The following KCNC2 variants were observed in gnomAD, a reference collection of about 807,000 sequenced individuals.
KCNC2 encodes voltage-gated potassium channel KCNC2.
A neutral mutation model predicts 44.5 loss-of-function variants in KCNC2; 21 were observed. The observed-to-expected ratio is 0.47, with a 90% CI of 0.33 to 0.68. The LOEUF (loss-of-function observed/expected upper bound fraction) is 0.68. Ranked by LOEUF, KCNC2 falls within the 30% of genes least tolerant of loss-of-function variation. The probability of loss-of-function intolerance (pLI) is 0.01; values close to 1 mark genes in which losing one functional copy is unlikely to be tolerated. For missense variants in KCNC2, 589 were observed against 826.2 expected, an observed-to-expected ratio of 0.71 and a Z score of 3.52; for synonymous variants, 391 against 339.1, an observed-to-expected ratio of 1.15 and a Z score of -1.68.
intron 2 of KCNC2, among the ~76,000 whole-genome samples, chr12:75,080,817 G>C (rs968998110): frequency 6.6e-6 from 1 of 151,870 alleles, no homozygotes; most frequent in African/African-American, 2.4e-5. Context: ...TGCCGTGATG[G>C]GATATGCCTA....
chr12:75,065,229 A>T (rs1258074373), intron 2 of KCNC2, among the ~76,000 whole-genome samples: 1 of 152,098 alleles, frequency 6.6e-6, no homozygotes, highest in African/African-American at 2.4e-5. Context: ...CACAAGACAG[A>T]ATCACTGGGA....
At chr12:75,048,858 G>A (rs1274036774) in intron 3 of KCNC2, among the ~76,000 whole-genome samples, 1 of 152,098 alleles carries the variant, frequency 6.6e-6, no homozygotes, top group African/African-American at 2.4e-5. Flanking sequence ...ATATTTTTGA[G>A]CATGCAGTGG....
In KCNC2 at chr12:75,041,359, A is replaced by G. The variant is rs956462373; in HGVS notation, c.*1746T>C. 3 of 1,447,092 alleles carry G rather than the reference A, an allele frequency of 2.1e-6. No individual in the cohort carries two copies. The highest frequency in any genetic ancestry group is 2.8e-5 in the African/African-American group (2 of 70,566). The allele number at this position is 1,447,092 out of a possible 1,614,324, so 89.6% of individuals were successfully genotyped here. ...GTCTGGATAAATACATTGCTGTACAACATCTCCAACATGCAGGTCATGCTC... is the reference window on the plus strand; with the variant it reads ...GTCTGGATAAATACATTGCTGTACAGCATCTCCAACATGCAGGTCATGCTC... On this transcript the variant is annotated 3_prime_UTR_variant, in exon 5 of 5. Transcript: ENST00000549446.
chr12:75,208,066 C>T, intron 1 of KCNC2, 64 bp from the exon 2 acceptor site: 1 of 1,576,644 alleles, frequency 6.3e-7, no homozygotes, highest in Non-Finnish European at 8.6e-7. Context: ...ACCATGACCC[C>T]CACCACCAAC....
chr12:75,159,039 G>A, intron 2 of KCNC2, among the ~76,000 whole-genome samples: 1 of 147,662 alleles, frequency 6.8e-6, no homozygotes, highest in East Asian at 2.1e-4. Flanking sequence ...AACACCGCAT[G>A]TTCTCTCTCC....
intron 2 of KCNC2, among the ~76,000 whole-genome samples, chr12:75,174,235 A>C (rs1453088185): frequency 6.6e-6 from 1 of 151,670 alleles, no homozygotes; most frequent in African/African-American, 2.4e-5. Flanking sequence ...ATTGTAAAAT[A>C]TTTAAGTTTG....
chr12:75,201,242 G>A (rs1477744262), intron 2 of KCNC2, among the ~76,000 whole-genome samples: 1 of 43,862 alleles, frequency 2.3e-5, no homozygotes, highest in Non-Finnish European at 4.6e-5. Context: ...AAAAAGGGCA[G>A]AAAGTTACAA....
At chr12:75,171,599 G>C (rs547511859) in intron 2 of KCNC2, among the ~76,000 whole-genome samples, 39 of 151,968 alleles carry the variant, frequency 2.6e-4, no homozygotes, top group African/African-American at 5.3e-4. Flanking sequence ...TGAAGGTAGT[G>C]AGTAGAATGG....
rs903498653 is a variant in KCNC2 at position 75,042,135 on chromosome 12, T to TA, written c.*969dup. ...AATAAATAAAAATAAAATAAGGGGG[T>TA]AAAAAAAAGACACAAGAGCTTTGGG... is the stretch of plus-strand genomic sequence containing the variant. On this transcript the variant is annotated 3_prime_UTR_variant, in exon 5 of 5. Transcript: ENST00000549446. 41 of 1,247,250 alleles carry TA rather than the reference T, an allele frequency of 3.3e-5. No individual in the cohort carries two copies. Among genetic ancestry groups the TA allele is most frequent in the Admixed American group, 2.1e-4 (5 of 24,356 alleles). 77.3% of individuals were successfully genotyped at this position (1,247,250 alleles called of 1,614,324 possible).
intron 2 of KCNC2, among the ~76,000 whole-genome samples, chr12:75,150,770 TAATA>T (rs1366879448): frequency 6.6e-6 from 1 of 151,930 alleles, no homozygotes; most frequent in African/African-American, 2.4e-5. Context: ...TATTTATTTT[TAATA>T]AATAATGCTC....
rs1167940525 is a variant in KCNC2, at chr12:75,077,754, G to A, written c.688-26437C>T. On this transcript the variant is annotated intron_variant, in intron 2 of 4. Coordinates refer to ENST00000549446, the MANE Select transcript of KCNC2 (RefSeq NM_139137.4). The stretch of plus-strand genomic sequence containing the variant: ...GTTAGAACACCTAAGTTACGATAGC[G>A]TAAAACCTCCAATGTATGTTATACA... 5.3e-5 allele frequency among the ~76,000 whole-genome samples: 8 copies of A among 152,166 alleles called. No homozygotes were observed. In the Middle Eastern group the frequency reaches 0.01, roughly 194 times the overall value.
chr12:75,129,670 A>G (rs1021291886), intron 2 of KCNC2, among the ~76,000 whole-genome samples: 1 of 152,238 alleles, frequency 6.6e-6, no homozygotes, highest in East Asian at 1.9e-4. Context: ...AAATAAAATG[A>G]TTTTCTGAAA....
At chr12:75,118,591 G>A (rs1216415999) in intron 2 of KCNC2, among the ~76,000 whole-genome samples, 1 of 152,020 alleles carries the variant, frequency 6.6e-6, no homozygotes, top group Non-Finnish European at 1.5e-5. Context: ...CCAGAATGCT[G>A]TGAGGAAGCA....
At chr12:75,172,024 A>C (rs1565910656) in intron 2 of KCNC2, among the ~76,000 whole-genome samples, 1 of 151,830 alleles carries the variant, frequency 6.6e-6, no homozygotes, top group Non-Finnish European at 1.5e-5. Flanking sequence ...CTGAAGAAAA[A>C]TAAAAATAAA....
intron 2 of KCNC2, among the ~76,000 whole-genome samples, chr12:75,081,803 A>C (rs2137082602): frequency 6.6e-6 from 1 of 152,082 alleles, no homozygotes; most frequent in East Asian, 1.9e-4. Context: ...AACATCTGCT[A>C]CGTTTAGAAA....
rs186764604 is a variant in KCNC2, at chr12:75,193,902, G to A, written c.687+13395C>T. ...TAGTATAAAATGCAACAACCAAGAC[G>A]AGCAAATGAAAAAGAAATTCCATAG... is the stretch of plus-strand genomic sequence containing the variant. On this transcript the variant is annotated intron_variant, in intron 2 of 4. Transcript: ENST00000549446. Among the ~76,000 whole-genome samples, 3 of 151,988 alleles carry A rather than the reference G, an allele frequency of 2.0e-5. No homozygotes were observed. In the East Asian group the frequency reaches 5.8e-4, roughly 30 times the overall value.
intron 2 of KCNC2, among the ~76,000 whole-genome samples, chr12:75,168,595 C>A (rs1891609865): frequency 6.6e-6 from 1 of 151,470 alleles, no homozygotes; most frequent in Non-Finnish European, 1.5e-5. Context: ...GTTTTGAGAA[C>A]CACAAATGGT....
At chr12:75,078,747 G>A (rs1884219940) in intron 2 of KCNC2, among the ~76,000 whole-genome samples, 1 of 152,154 alleles carries the variant, frequency 6.6e-6, no homozygotes, top group Non-Finnish European at 1.5e-5. Context: ...AACAACGAGA[G>A]TGAATTTGAG....
At chr12:75,204,960 C>T (rs2031572781) in intron 2 of KCNC2, among the ~76,000 whole-genome samples, 2 of 152,030 alleles carry the variant, frequency 1.3e-5, no homozygotes, top group Non-Finnish European at 2.9e-5. Context: ...TAATTCAAGT[C>T]CCATATTTTT....
Sources: allele counts gnomAD v4.1 joint callset (sites outside exome capture counted in the v4.1 genomes callset), GRCh38; gene constraint gnomAD v4.1.1; transcripts MANE v1.5; gene names NCBI Gene and HGNC (gene_info 2026-07-23, HGNC 2026-07-21).